Variants in ULK4 observed in about 807,000 individuals in gnomAD.
ULK4 encodes the protein unc-51 like kinase 4.
Under a neutral mutation model 160.6 loss-of-function variants are expected in ULK4, and 133 were observed. That is an observed-to-expected ratio of 0.83 (90% CI 0.72 to 0.96). ULK4 has a LOEUF of 0.96. ULK4 is among the 40% of genes least tolerant of loss of function. ULK4 has a pLI of 0.00. For missense variants in ULK4, 1,580 were observed against 1,499.5 expected (o/e 1.05, Z -0.89); for synonymous variants, 534 against 539.8 (o/e 0.99, Z 0.15).
At chr3:41,408,195 G>A (rs1240696692) in intron 34 of ULK4, among the ~76,000 whole-genome samples, 3 of 151,844 alleles carry the variant, frequency 2.0e-5, no homozygotes, top group Middle Eastern at 3.4e-3. Flanking sequence ...TTGGGAGGCC[G>A]AGGTGGGCGG....
At position 41,574,531 on chromosome 3, in the gene ULK4, C is replaced by CTTTTTT. The variant is rs568406782; in HGVS notation, c.3121-8407_3121-8402dup. 3.7e-3 allele frequency among the ~76,000 whole-genome samples: 341 copies of CTTTTTT among 92,110 alleles called. 52 individuals are homozygous for CTTTTTT. The highest frequency in any genetic ancestry group is 0.01 in the African/African-American group (294 of 28,048). The allele number at this position is 92,110 out of a possible 152,430, so 60.4% of individuals were successfully genotyped here. ...CCTCCACTACTGCTACCAGAGTCCTCTTTTTTTTTTTTTTTTTTTTTTTTT... is the reference window on the plus strand; with the variant it reads ...CCTCCACTACTGCTACCAGAGTCCTCTTTTTTTTTTTTTTTTTTTTTTTTTTTTTTT... On this transcript the variant is annotated intron_variant, in intron 31 of 36. Transcript: ENST00000301831.
intron 30 of ULK4, among the ~76,000 whole-genome samples, chr3:41,642,077 T>G (rs540485028): frequency 6.6e-6 from 1 of 150,474 alleles, no homozygotes; most frequent in South Asian, 2.1e-4. Flanking sequence ...TTTCTTCATG[T>G]TGGTCAGGCT....
At chr3:41,937,807 GTTTGTT>G (rs1699827834) in intron 3 of ULK4, 2 of 226,016 alleles carry the variant, frequency 8.8e-6, no homozygotes, top group South Asian at 1.7e-4. Context: ...AACTTAAAAT[GTTTGTT>G]TTTATTTATT....
chr3:41,253,742 T>C (rs1284197163), intron 35 of ULK4, among the ~76,000 whole-genome samples: 1 of 152,110 alleles, frequency 6.6e-6, no homozygotes, highest in Non-Finnish European at 1.5e-5. Context: ...TTAGAAATGA[T>C]CCAACCATCT....
At position 41,789,883 on chromosome 3, in the gene ULK4, G is replaced by T. The variant is rs572982054; in HGVS notation, c.2011-40C>A. Reference sequence around the variant, plus strand: ...GAACAGACCTGTCAGGCAACTCCAAGTGCATCAATCATTCCCCTGAAAGGT... The same window carrying T: ...GAACAGACCTGTCAGGCAACTCCAATTGCATCAATCATTCCCCTGAAAGGT... On this transcript the variant is annotated intron_variant, in intron 20 of 36. Coordinates refer to ENST00000301831, the MANE Select transcript of ULK4 (RefSeq NM_017886.4). 2.7e-6 allele frequency: 4 copies of T among 1,470,772 alleles called. 1 individual carries two copies. In the South Asian group the frequency reaches 5.9e-5, roughly 22 times the overall value. 91.1% of individuals were successfully genotyped at this position (1,470,772 alleles called of 1,614,324 possible). A position where few individuals can be genotyped will look rare whatever the true frequency, so the allele number is the denominator to read the frequency against.
chr3:41,330,164 T>C (rs1230667702), intron 35 of ULK4, among the ~76,000 whole-genome samples: 1 of 152,180 alleles, frequency 6.6e-6, no homozygotes, highest in Non-Finnish European at 1.5e-5. Flanking sequence ...CACAAGGATG[T>C]GCCCTATCTC....
intron 17 of ULK4, among the ~76,000 whole-genome samples, chr3:41,862,817 CTCTT>C (rs1389924989): frequency 1.3e-5 from 2 of 149,382 alleles, no homozygotes; most frequent in Non-Finnish European, 3.0e-5. Context: ...CTCTCTCTCC[CTCTT>C]TCTCTGTTCT....
intron 34 of ULK4, among the ~76,000 whole-genome samples, chr3:41,417,995 G>A (rs1227652642): frequency 6.6e-6 from 1 of 152,124 alleles, no homozygotes; most frequent in African/African-American, 2.4e-5. Context: ...CATCAAGAAT[G>A]AGAAAGTTGA....
intron 18 of ULK4, among the ~76,000 whole-genome samples, chr3:41,830,955 C>T (rs907657201): frequency 1.3e-5 from 2 of 151,136 alleles, no homozygotes; most frequent in African/African-American, 4.9e-5. Flanking sequence ...AGGAAAAGTG[C>T]CTTTCACAAA....
At chr3:41,612,473 C>A (rs1003616335) in intron 31 of ULK4, among the ~76,000 whole-genome samples, 1 of 152,214 alleles carries the variant, frequency 6.6e-6, no homozygotes, top group Admixed American at 6.5e-5. Flanking sequence ...TCTCTCCCTG[C>A]AACGTGAACT....
intron 35 of ULK4, among the ~76,000 whole-genome samples, chr3:41,344,840 T>A (rs1362519076): frequency 6.8e-6 from 1 of 146,752 alleles, no homozygotes; most frequent in East Asian, 2.0e-4. Flanking sequence ...ATAATCAGAG[T>A]GACCTGACAA....
intron 13 of ULK4, among the ~76,000 whole-genome samples, chr3:41,900,472 G>A (rs1698312414): frequency 6.6e-6 from 1 of 152,212 alleles, no homozygotes; most frequent in Admixed American, 6.5e-5. Context: ...GCAGTAGTGA[G>A]AGGCAGCAGA....
chr3:41,365,087 G>C (rs1350684097), intron 35 of ULK4, among the ~76,000 whole-genome samples: 2 of 152,170 alleles, frequency 1.3e-5, no homozygotes, highest in Non-Finnish European at 2.9e-5. Context: ...AACTATCCCA[G>C]AGATGGCAGT....
intron 31 of ULK4, among the ~76,000 whole-genome samples, chr3:41,605,780 A>T (rs185510262): frequency 4.2e-4 from 64 of 152,138 alleles, no homozygotes; most frequent in South Asian, 8.3e-4. Context: ...TTCATAGAAC[A>T]TTCCAACGGC....
chr3:41,952,574 T>G (rs547559077), intron 2 of ULK4, among the ~76,000 whole-genome samples: 13 of 152,102 alleles, frequency 8.5e-5, no homozygotes, highest in Non-Finnish European at 1.2e-4. Context: ...CAAAAAGTAC[T>G]GATAAGGATG....
At chr3:41,919,239 T>C (rs941602322) in intron 6 of ULK4, among the ~76,000 whole-genome samples, 3 of 152,200 alleles carry the variant, frequency 2.0e-5, no homozygotes, top group East Asian at 1.9e-4. Context: ...AAGAACTTTC[T>C]AGGAATCTGC....
intron 35 of ULK4, among the ~76,000 whole-genome samples, chr3:41,317,124 G>A (rs969303293): frequency 1.5e-5 from 2 of 137,728 alleles, no homozygotes; most frequent in Admixed American, 7.7e-5. Context: ...GCCGGACTGC[G>A]GACTGCAGTG....
chr3:41,279,057 G>A (rs1168934372), intron 35 of ULK4, among the ~76,000 whole-genome samples: 1 of 152,026 alleles, frequency 6.6e-6, no homozygotes, highest in African/African-American at 2.4e-5. Context: ...TTGAAAAAAG[G>A]TTACATGAAT....
intron 2 of ULK4, among the ~76,000 whole-genome samples, chr3:41,940,382 C>A (rs764191423): frequency 6.6e-6 from 1 of 152,154 alleles, no homozygotes; most frequent in Non-Finnish European, 1.5e-5. Flanking sequence ...ATACGTGTCA[C>A]CTCAGTGATT....
Sources: gnomAD v4.1 joint callset for allele counts (sites outside exome capture counted in the v4.1 genomes callset) on GRCh38, gnomAD v4.1.1 for gene constraint, MANE v1.5 for transcripts, NCBI Gene and HGNC (gene_info 2026-07-23, HGNC 2026-07-21) for gene names.